CCDC7: variants seen among roughly 807,000 people sequenced by gnomAD.
CCDC7 encodes the protein coiled-coil domain containing 7.
A neutral mutation model predicts 196.9 loss-of-function variants in CCDC7; 183 were observed. The ratio of observed to expected loss-of-function variants is 0.93; its 90% CI spans 0.82 to 1.05. CCDC7 has a LOEUF of 1.05. Ranked by LOEUF, CCDC7 falls within the 50% of genes least tolerant of loss-of-function variation. CCDC7 has a pLI of 0.00. For synonymous variants in CCDC7, 525 were observed against 484.6 expected, an observed-to-expected ratio of 1.08 and a Z score of -1.10; for missense variants, 1,540 against 1,482.2, an observed-to-expected ratio of 1.04 and a Z score of -0.64.
intron 41 of CCDC7, among the ~76,000 whole-genome samples, chr10:32,872,934 G>T (rs922370280): frequency 1.3e-5 from 2 of 152,076 alleles, no homozygotes; most frequent in African/African-American, 4.8e-5. Context: ...GCTTCCCTTT[G>T]TGGGTAACCG....
chr10:32,828,501 G>GAGGAAGAGGAAGAAGAAGAAT (rs2091673313), intron 32 of CCDC7, among the ~76,000 whole-genome samples: 1 of 125,500 alleles, frequency 8.0e-6, no homozygotes, highest in African/African-American at 3.1e-5. Flanking sequence ...AGAAGAAGAA[G>GAGGAAGAGGAAGAAGAAGAAT]AAGAAGAAGA....
intron 5 of CCDC7, among the ~76,000 whole-genome samples, chr10:32,463,343 G>T: frequency 6.6e-6 from 1 of 152,106 alleles, no homozygotes; most frequent in Middle Eastern, 3.4e-3. Context: ...TTACATAAAA[G>T]GGTGATGAGA....
At chr10:32,694,306 T>TTACTA (rs2077429325) in intron 23 of CCDC7, among the ~76,000 whole-genome samples, 1 of 152,196 alleles carries the variant, frequency 6.6e-6, no homozygotes, top group Non-Finnish European at 1.5e-5. Flanking sequence ...TTAGAAGTGT[T>TTACTA]TTGGGTCTTT....
chr10:32,729,053 CT>C, intron 27 of CCDC7, 56 bp downstream of exon 28: 1 of 1,231,028 alleles, frequency 8.1e-7, no homozygotes, highest in Non-Finnish European at 1.2e-6. Context: ...CTCATCAGAT[CT>C]TTTCCTTTGA....
At chr10:32,845,221 G>T in intron 33 of CCDC7, 22 bp from the exon 35 acceptor site, 1 of 1,391,142 alleles carries the variant, frequency 7.2e-7, no homozygotes, top group South Asian at 1.3e-5. Context: ...AAAATATATT[G>T]ATATCTGTTT....
chr10:32,517,553 G>A (rs1384574207), intron 9 of CCDC7, among the ~76,000 whole-genome samples: 1 of 139,528 alleles, frequency 7.2e-6, no homozygotes, highest in Non-Finnish European at 1.5e-5. Context: ...TGTGTGTTAG[G>A]TGGGAATTGA....
chr10:32,552,586 T>C (rs1021455024), intron 13 of CCDC7, among the ~76,000 whole-genome samples: 1 of 152,198 alleles, frequency 6.6e-6, no homozygotes, highest in Non-Finnish European at 1.5e-5. Context: ...TCAGAGCTCA[T>C]TTTAGCAGTT....
chr10:32,727,350 T>C (rs16933650), intron 26 of CCDC7, among the ~76,000 whole-genome samples: 29,928 of 152,086 alleles, frequency 0.2, 4,658 homozygotes, highest in African/African-American at 0.44. Flanking sequence ...TTGGTACCCT[T>C]ATAGATGGGT....
At chr10:32,640,140 G>T (rs566484995) in intron 20 of CCDC7, among the ~76,000 whole-genome samples, 2 of 152,114 alleles carry the variant, frequency 1.3e-5, no homozygotes, top group Admixed American at 1.3e-4. Context: ...TGACAGTGGG[G>T]TGTTAAAGTC....
chr10:32,872,750 T>C (rs1482010091), intron 41 of CCDC7, among the ~76,000 whole-genome samples: 2 of 152,086 alleles, frequency 1.3e-5, no homozygotes, highest in Non-Finnish European at 2.9e-5. Context: ...ACAAAATCTC[T>C]CAGCATTTGC....
intron 8 of CCDC7, among the ~76,000 whole-genome samples, chr10:32,491,178 C>G (rs1316749080): frequency 6.6e-6 from 1 of 152,052 alleles, no homozygotes. Context: ...TTCTTCTATA[C>G]CACTCTTTTG....
intron 31 of CCDC7, among the ~76,000 whole-genome samples, chr10:32,816,866 T>C (rs1274599999): frequency 6.6e-6 from 1 of 151,792 alleles, no homozygotes; most frequent in Non-Finnish European, 1.5e-5. Flanking sequence ...CAAAGGTAGA[T>C]AAAACCACAA....
intron 18 of CCDC7, among the ~76,000 whole-genome samples, chr10:32,596,885 C>A (rs945835925): frequency 6.6e-6 from 1 of 152,138 alleles, no homozygotes; most frequent in Non-Finnish European, 1.5e-5. Context: ...GAGTTTCTGC[C>A]GAGACATCTG....
chr10:32,559,523 C>T (rs960960962), intron 13 of CCDC7, among the ~76,000 whole-genome samples: 8 of 152,182 alleles, frequency 5.3e-5, no homozygotes, highest in Non-Finnish European at 7.4e-5. Flanking sequence ...CATGAAAATC[C>T]GCTGTTGTGC....
intron 28 of CCDC7, among the ~76,000 whole-genome samples, chr10:32,755,344 A>G (rs570331145): frequency 9.5e-4 from 145 of 152,318 alleles, no homozygotes; most frequent in Non-Finnish European, 1.9e-3. Context: ...ATACTCAAGT[A>G]GCCTAACTGG....
At chr10:32,697,061 A>G (rs2077829806) in intron 24 of CCDC7, among the ~76,000 whole-genome samples, 1 of 152,186 alleles carries the variant, frequency 6.6e-6, no homozygotes, top group South Asian at 2.1e-4. Context: ...ACATTGTAAT[A>G]TGTAATGAAA....
At chr10:32,562,676 A>G (rs1223722181) in intron 13 of CCDC7, among the ~76,000 whole-genome samples, 1 of 152,026 alleles carries the variant, frequency 6.6e-6, no homozygotes, top group Admixed American at 6.5e-5. Flanking sequence ...ATCTATGACA[A>G]ACCCACAGCC....
At chr10:32,686,860 G>A (rs115927161) in intron 22 of CCDC7, among the ~76,000 whole-genome samples, 107 of 152,296 alleles carry the variant, frequency 7.0e-4, no homozygotes, top group African/African-American at 2.4e-3. Context: ...TAGTGGACTT[G>A]CCTGGGCCTA....
At chr10:32,537,697 A>G (rs1441202283) in intron 11 of CCDC7, among the ~76,000 whole-genome samples, 1 of 152,116 alleles carries the variant, frequency 6.6e-6, no homozygotes, top group Non-Finnish European at 1.5e-5. Context: ...GTACAGTTTC[A>G]GTCTTCTGCA....
Sources: gnomAD v4.1 joint callset for allele counts (sites outside exome capture counted in the v4.1 genomes callset) on GRCh38, gnomAD v4.1.1 for gene constraint, MANE v1.5 for transcripts, NCBI Gene and HGNC (gene_info 2026-07-23, HGNC 2026-07-21) for gene names.